The following KAZN variants were observed in gnomAD, a reference collection of about 807,000 sequenced individuals.
KAZN encodes the protein kazrin.
In KAZN, 40 loss-of-function variants were observed where a neutral mutation model predicts 87.4. That is an observed-to-expected ratio of 0.46 (90% CI 0.36 to 0.60). KAZN has a LOEUF of 0.60. Ranked by LOEUF, KAZN falls within the 20% of genes least tolerant of loss-of-function variation. KAZN has a pLI of 0.00. For missense variants in KAZN, 898 were observed against 1,073.9 expected (o/e 0.84, Z 2.29); for synonymous variants, 466 against 458.3 (o/e 1.02, Z -0.22).
chr1:14,055,243 T>G (rs538123821), intron 1 of KAZN, among the ~76,000 whole-genome samples: 1 of 152,314 alleles, frequency 6.6e-6, no homozygotes, highest in South Asian at 2.1e-4. Context: ...TCACAAGTAT[T>G]AAGTGAGTTG....
chr1:14,384,907 G>A (rs575094198), intron 2 of KAZN, among the ~76,000 whole-genome samples: 271 of 151,664 alleles, frequency 1.8e-3, no homozygotes, highest in African/African-American at 6.2e-3. Flanking sequence ...GTTCCTCCTT[G>A]TACCTCTGGT....
intron 2 of KAZN, among the ~76,000 whole-genome samples, chr1:14,421,136 C>T (rs1665399918): frequency 6.6e-6 from 1 of 152,218 alleles, no homozygotes; most frequent in South Asian, 2.1e-4. Flanking sequence ...GCTACTACTA[C>T]ATCAATTAAA....
At chr1:14,207,308 G>A (rs988723202) in intron 2 of KAZN, among the ~76,000 whole-genome samples, 4 of 152,098 alleles carry the variant, frequency 2.6e-5, no homozygotes, top group African/African-American at 9.7e-5. Context: ...GGTGATGTTA[G>A]GAGGTTAAAG....
intron 6 of KAZN, chr1:15,061,190 T>C (rs1638767145): frequency 6.6e-6 from 1 of 152,218 alleles, no homozygotes; most frequent in Non-Finnish European, 1.5e-5. Flanking sequence ...ATTCTCTACC[T>C]GGAGAACTCA....
At chr1:13,904,004 C>A (rs796903275) in intron 1 of KAZN, among the ~76,000 whole-genome samples, 1 of 152,072 alleles carries the variant, frequency 6.6e-6, no homozygotes, top group Non-Finnish European at 1.5e-5. Context: ...TGAACCACTC[C>A]GCACAGAGAC....
chr1:14,393,622 C>A (rs1662639830), intron 2 of KAZN, among the ~76,000 whole-genome samples: 1 of 151,996 alleles, frequency 6.6e-6, no homozygotes, highest in Admixed American at 6.6e-5. Flanking sequence ...GTGGCACCCT[C>A]CCCAGTCTCT....
intron 1 of KAZN, among the ~76,000 whole-genome samples, chr1:14,080,022 C>T (rs981073762): frequency 2.7e-5 from 4 of 148,242 alleles, no homozygotes; most frequent in South Asian, 5.0e-4. Flanking sequence ...TCAAAGGCCC[C>T]ACTTTCTAAT....
At chr1:14,844,314 T>A (rs558032088) in intron 1 of KAZN, among the ~76,000 whole-genome samples, 1 of 152,292 alleles carries the variant, frequency 6.6e-6, no homozygotes, top group South Asian at 2.1e-4. Context: ...AAAATGGAGA[T>A]AATAACTAGA....
intron 1 of KAZN, among the ~76,000 whole-genome samples, chr1:13,900,865 C>T (rs1639221668): frequency 6.6e-6 from 1 of 152,150 alleles, no homozygotes; most frequent in Non-Finnish European, 1.5e-5. Flanking sequence ...CAGTGCCTGA[C>T]ACAGAATGCT....
chr1:14,523,849 G>A (rs928651613), intron 2 of KAZN, among the ~76,000 whole-genome samples: 1 of 152,330 alleles, frequency 6.6e-6, no homozygotes, highest in Admixed American at 6.5e-5. Context: ...GTTGAGGAAG[G>A]GGCTCAAGGG....
At chr1:14,865,789 A>G (rs2462190) in intron 1 of KAZN, among the ~76,000 whole-genome samples, 46,643 of 152,080 alleles carry the variant, frequency 0.31, 7,741 homozygotes, top group East Asian at 0.57. Context: ...GAATAGGGTG[A>G]GCCCTAATCC....
At chr1:14,804,611 C>G (rs1388588799) in intron 1 of KAZN, among the ~76,000 whole-genome samples, 2 of 152,172 alleles carry the variant, frequency 1.3e-5, no homozygotes, top group Non-Finnish European at 2.9e-5. Context: ...AAGCCCTGAC[C>G]CCCGATGTAC....
intron 1 of KAZN, among the ~76,000 whole-genome samples, chr1:14,135,316 G>A (rs904471976): frequency 6.6e-6 from 1 of 152,198 alleles, no homozygotes; most frequent in East Asian, 1.9e-4. Flanking sequence ...GGGACAGTGA[G>A]TAATGACACA....
chr1:14,278,655 T>TA (rs1652593585), intron 2 of KAZN, among the ~76,000 whole-genome samples: 1 of 152,216 alleles, frequency 6.6e-6, no homozygotes, highest in Admixed American at 6.5e-5. Context: ...CATCATTTTT[T>TA]ATCTGTTGAT....
At chr1:14,681,635 A>T (rs1381194853) in intron 1 of KAZN, among the ~76,000 whole-genome samples, 4 of 41,424 alleles carry the variant, frequency 9.7e-5, no homozygotes, top group Non-Finnish European at 7.8e-5. Context: ...ATATATATAT[A>T]TATATATATA....
chr1:14,904,530 T>C (rs2807556), intron 1 of KAZN, among the ~76,000 whole-genome samples: 134,181 of 152,226 alleles, frequency 0.88, 59,189 homozygotes, highest in South Asian at 0.9. Flanking sequence ...CGTCCCCCTG[T>C]ATGTGCCACT....
At chr1:14,724,135 A>AT (rs1388845919) in intron 1 of KAZN, among the ~76,000 whole-genome samples, 1 of 152,244 alleles carries the variant, frequency 6.6e-6, no homozygotes, top group Non-Finnish European at 1.5e-5. Flanking sequence ...CCAGTGATTA[A>AT]TTCCGGGTGG....
At chr1:13,938,382 A>C (rs1375302239) in intron 1 of KAZN, among the ~76,000 whole-genome samples, 1 of 152,184 alleles carries the variant, frequency 6.6e-6, no homozygotes, top group Non-Finnish European at 1.5e-5. Context: ...TTTTACCCTG[A>C]AATTTTACTG....
chr1:14,415,150 T>C (rs1664644971), intron 2 of KAZN, among the ~76,000 whole-genome samples: 1 of 152,214 alleles, frequency 6.6e-6, no homozygotes, highest in Admixed American at 6.5e-5. Flanking sequence ...TGTTGAAATG[T>C]AGCAAGGTCG....
Sources: allele counts gnomAD v4.1 joint callset (sites outside exome capture counted in the v4.1 genomes callset), GRCh38; gene constraint gnomAD v4.1.1; transcripts MANE v1.5; gene names NCBI Gene and HGNC (gene_info 2026-07-23, HGNC 2026-07-21).